Variants in KIAA1217 observed in about 807,000 individuals in gnomAD.
KIAA1217 encodes KIAA1217, also known as sickle tail protein homolog.
Under a neutral mutation model 163.9 loss-of-function variants are expected in KIAA1217, and 88 were observed. The observed-to-expected ratio is 0.54, with a 90% CI of 0.45 to 0.64. KIAA1217 has a LOEUF of 0.64. Among genes scored for constraint, KIAA1217 ranks in the 30% least tolerant of loss-of-function variants. KIAA1217 has a pLI of 0.00. For synonymous variants in KIAA1217, 903 were observed against 923.1 expected, an observed-to-expected ratio of 0.98 and a Z score of 0.39; for missense variants, 2,372 against 2,475.0, an observed-to-expected ratio of 0.96 and a Z score of 0.88.
intron 2 of KIAA1217, among the ~76,000 whole-genome samples, chr10:24,249,572 C>T (rs1041821551): frequency 5.3e-5 from 8 of 152,068 alleles, no homozygotes; most frequent in Non-Finnish European, 7.4e-5. Context: ...CTTTTTAAGA[C>T]GTAAACATCC....
chr10:24,089,621 T>C (rs1437954421), intron 2 of KIAA1217, among the ~76,000 whole-genome samples: 7 of 151,834 alleles, frequency 4.6e-5, no homozygotes, highest in Non-Finnish European at 8.8e-5. Context: ...TGTGGCATTA[T>C]TTCTGAGGGC....
intron 2 of KIAA1217, among the ~76,000 whole-genome samples, chr10:24,374,651 A>G (rs2134607384): frequency 6.6e-6 from 1 of 152,286 alleles, no homozygotes; most frequent in Admixed American, 6.5e-5. Flanking sequence ...ACCCAGAGTG[A>G]TCATAGTTGC....
chr10:23,713,291 T>G (rs1170095304), intron 1 of KIAA1217, among the ~76,000 whole-genome samples: 1 of 152,142 alleles, frequency 6.6e-6, no homozygotes, highest in East Asian at 1.9e-4. Context: ...CTGAGTTATT[T>G]CTCCATTTCT....
chr10:23,790,371 ACATATG>A lies in KIAA1217; in HGVS notation c.-321+95138_-321+95143del, dbSNP rs1358878565. ...TATGCATATATGCATATATACATAT[ACATATG>A]TATATATACATATGTATATATACAT... is the stretch of plus-strand genomic sequence containing the variant. On this transcript the variant is annotated intron_variant, in intron 1 of 18. Coordinates refer to the KIAA1217 transcript ENST00000376462. Among the ~76,000 whole-genome samples the A allele has an allele frequency of 2.8e-5, 2 of 72,196 alleles. 1 individual carries two copies. Among genetic ancestry groups the A allele is most frequent in the African/African-American group, 1.4e-4 (2 of 14,660 alleles). 47.4% of individuals were successfully genotyped at this position (72,196 alleles called of 152,430 possible).
intron 2 of KIAA1217, among the ~76,000 whole-genome samples, chr10:24,180,956 T>G (rs1260522737): frequency 2.6e-5 from 4 of 152,252 alleles, no homozygotes; most frequent in Admixed American, 2.6e-4. Context: ...ATACTGATTA[T>G]GGATCAGCTA....
intron 2 of KIAA1217, among the ~76,000 whole-genome samples, chr10:24,320,826 G>A (rs370881097): frequency 3.9e-5 from 6 of 152,016 alleles, no homozygotes; most frequent in East Asian, 3.9e-4. Flanking sequence ...GGCGGATCAC[G>A]AGGTCGGGAG....
At chr10:23,899,700 T>C (rs1193414012) in intron 1 of KIAA1217, among the ~76,000 whole-genome samples, 3 of 152,082 alleles carry the variant, frequency 2.0e-5, no homozygotes, top group Admixed American at 2.0e-4. Flanking sequence ...ATGCGGTCCA[T>C]AGCCAGAGCA....
Position 23,711,142 on chromosome 10 carries a change from A to T in KIAA1217, c.-321+15908A>T, listed in dbSNP as rs183632227. Among the ~76,000 whole-genome samples the T allele has an allele frequency of 3.0e-3, 450 of 152,250 alleles. 1 individual carries two copies. Among genetic ancestry groups the T allele is most frequent in the African/African-American group, 0.01 (432 of 41,560 alleles). ...CCCAATACCGTGTGCTTGAATATGG[A>T]TGAGGCTGGCAGGTTGGTTCCAGAA... On this transcript the variant is annotated intron_variant, in intron 1 of 18. Coordinates refer to the KIAA1217 transcript ENST00000376462.
At chr10:23,922,999 T>C (rs1842901383) in intron 1 of KIAA1217, among the ~76,000 whole-genome samples, 2 of 152,174 alleles carry the variant, frequency 1.3e-5, no homozygotes, top group Non-Finnish European at 2.9e-5. Flanking sequence ...GTTACATGGA[T>C]AAGTTCTTTA....
intron 3 of KIAA1217, among the ~76,000 whole-genome samples, chr10:24,424,520 G>GAC (rs1195014783): frequency 6.6e-6 from 1 of 152,208 alleles, no homozygotes; most frequent in Non-Finnish European, 1.5e-5. Context: ...GTGAATTAAT[G>GAC]AAGCCATTTC....
chr10:24,093,540 G>A (rs537061629), intron 2 of KIAA1217, among the ~76,000 whole-genome samples: 2 of 151,346 alleles, frequency 1.3e-5, no homozygotes, highest in Admixed American at 6.6e-5. Flanking sequence ...CTAGACTGCT[G>A]CCATCCTCTC....
chr10:24,294,064 C>T (rs553073017), intron 2 of KIAA1217, among the ~76,000 whole-genome samples: 4 of 151,902 alleles, frequency 2.6e-5, no homozygotes, highest in African/African-American at 9.6e-5. Context: ...TGGTGGCAGG[C>T]GCCTGTAGTC....
chr10:24,226,515 G>A (rs1015878423), intron 2 of KIAA1217, among the ~76,000 whole-genome samples: 1 of 151,738 alleles, frequency 6.6e-6, no homozygotes, highest in African/African-American at 2.4e-5. Context: ...GGAGGCACAC[G>A]CCTGTAGTCC....
chr10:23,719,216 T>A (rs140029935), intron 1 of KIAA1217, among the ~76,000 whole-genome samples: 147 of 152,304 alleles, frequency 9.7e-4, no homozygotes, highest in African/African-American at 3.4e-3. Context: ...TGGAGTATTG[T>A]TCAGCCATAG....
At position 23,809,312 on chromosome 10, in the gene KIAA1217, G is replaced by A. The variant is rs1048554327; in HGVS notation, c.-321+114078G>A. Among the ~76,000 whole-genome samples, 3 of 151,956 alleles carry A rather than the reference G, an allele frequency of 2.0e-5. No individual in the cohort carries two copies. The East Asian group carries it at 5.8e-4, about 29-fold the overall frequency. ...TAGGTTGGGAGGGGGAGAGAATTGA[G>A]TCCTTGGGTTACTTGGAAAAACATT... On this transcript the variant is annotated intron_variant, in intron 1 of 18. Coordinates refer to the KIAA1217 transcript ENST00000376462.
intron 1 of KIAA1217, among the ~76,000 whole-genome samples, chr10:23,847,971 T>G (rs1285706358): frequency 2.0e-5 from 3 of 152,208 alleles, no homozygotes; most frequent in Non-Finnish European, 2.9e-5. Flanking sequence ...CAGTTCGTTA[T>G]GTACCCAGTG....
chr10:24,002,010 C>T (rs1372027185), intron 1 of KIAA1217, among the ~76,000 whole-genome samples: 1 of 152,078 alleles, frequency 6.6e-6, no homozygotes. Flanking sequence ...AGTAGTTCAG[C>T]CGTGAGTTGG....
chr10:24,029,336 A>G (rs954826197), intron 2 of KIAA1217, among the ~76,000 whole-genome samples: 1 of 152,146 alleles, frequency 6.6e-6, no homozygotes, highest in African/African-American at 2.4e-5. Flanking sequence ...TTTTGTGAAC[A>G]TGAGCCTGCA....
chr10:23,853,245 G>A (rs1345204441), intron 1 of KIAA1217, among the ~76,000 whole-genome samples: 2 of 152,142 alleles, frequency 1.3e-5, no homozygotes, highest in East Asian at 3.9e-4. Context: ...TTTTGTCAAA[G>A]GCCTTTTGTG....
Sources: gnomAD v4.1 joint callset for allele counts (sites outside exome capture counted in the v4.1 genomes callset) on GRCh38, gnomAD v4.1.1 for gene constraint, MANE v1.5 for transcripts, NCBI Gene and HGNC (gene_info 2026-07-23, HGNC 2026-07-21) for gene names.